Variants in ARHGAP29 observed in about 807,000 individuals in gnomAD.
ARHGAP29 encodes rho GTPase-activating protein 29.
In ARHGAP29, 43 loss-of-function variants were observed where a neutral mutation model predicts 122.6. The ratio of observed to expected loss-of-function variants is 0.35; its 90% CI spans 0.27 to 0.45. ARHGAP29 has a LOEUF of 0.45. Among genes scored for constraint, ARHGAP29 ranks in the 20% least tolerant of loss-of-function variants. ARHGAP29 has a pLI of 1.00. For synonymous variants in ARHGAP29, 506 were observed against 497.1 expected, an observed-to-expected ratio of 1.02 and a Z score of -0.24; for missense variants, 1,303 against 1,477.2, an observed-to-expected ratio of 0.88 and a Z score of 1.93.
At chr1:94,251,679 C>T (rs183785529) in intron 1 of ARHGAP29, among the ~76,000 whole-genome samples, 1 of 152,286 alleles carries the variant, frequency 6.6e-6, no homozygotes, top group African/African-American at 2.4e-5. Flanking sequence ...GTTTCCTCTG[C>T]CTGGAATTGG....
intron 12 of ARHGAP29, among the ~76,000 whole-genome samples, chr1:94,200,542 G>C: frequency 6.6e-6 from 1 of 152,062 alleles, no homozygotes; most frequent in East Asian, 1.9e-4. Context: ...TCCCACTCCT[G>C]GTATTGACTT....
At chr1:94,200,603 C>T (rs1027122615) in intron 12 of ARHGAP29, among the ~76,000 whole-genome samples, 1 of 152,164 alleles carries the variant, frequency 6.6e-6, no homozygotes, top group African/African-American at 2.4e-5. Flanking sequence ...AAATATTCTG[C>T]GGCTCTATTC....
upstream of ARHGAP29, among the ~76,000 whole-genome samples, chr1:94,276,345 G>A (rs566109721): frequency 6.6e-6 from 1 of 152,150 alleles, no homozygotes; most frequent in East Asian, 1.9e-4. Context: ...TTGTTAGACT[G>A]CAGAGATATT....
Position 94,189,205 on chromosome 1 carries a change from T to G in ARHGAP29, c.1576+11A>C. The G allele has an allele frequency of 6.3e-7, 1 of 1,597,910 alleles. No individual in the cohort carries two copies. The highest frequency in any genetic ancestry group is 1.1e-5 in the South Asian group (1 of 87,076). On this transcript the variant is annotated intron_variant, in intron 14 of 22. Transcript: ENST00000260526. ...TTATAAATTAGCACTCTCTTTAGGG[T>G]GGAAAACTACCTGTTATATCTGCAC...
At chr1:94,231,358 A>C in intron 2 of ARHGAP29, 49 bp downstream of exon 2, 1 of 1,516,216 alleles carries the variant, frequency 6.6e-7, no homozygotes, top group Non-Finnish European at 9.1e-7. Flanking sequence ...GCCAGCATTT[A>C]AAATTTTACA....
intron 1 of ARHGAP29, among the ~76,000 whole-genome samples, chr1:94,257,246 G>A (rs1654394405): frequency 6.6e-6 from 1 of 151,770 alleles, no homozygotes; most frequent in Admixed American, 6.6e-5. Flanking sequence ...TACTAAAAAT[G>A]CAAAAATTAG....
chr1:94,294,322 TA>T, the ARHGAP29 span, among the ~76,000 whole-genome samples: 100 of 152,030 alleles, frequency 6.6e-4, no homozygotes, highest in African/African-American at 2.2e-3. Context: ...TATATGTATA[TA>T]TTTTTTTAGA....
intron 7 of ARHGAP29, among the ~76,000 whole-genome samples, chr1:94,204,508 T>C (rs1651073715): frequency 6.6e-6 from 1 of 152,244 alleles, no homozygotes; most frequent in Admixed American, 6.5e-5. Flanking sequence ...GGGTAGATTC[T>C]ATATTCTTCC....
At chr1:94,287,373 T>C in the ARHGAP29 span, among the ~76,000 whole-genome samples, 3 of 152,070 alleles carry the variant, frequency 2.0e-5, no homozygotes, top group Non-Finnish European at 2.9e-5. Context: ...TTCCCTGCTC[T>C]TGCTAGCTCT....
At chr1:94,290,290 T>C in the ARHGAP29 span, among the ~76,000 whole-genome samples, 95 of 152,364 alleles carry the variant, frequency 6.2e-4, no homozygotes, top group Middle Eastern at 0.027. Context: ...TCATTTTTTA[T>C]TGCGTCTATT....
intron 1 of ARHGAP29, among the ~76,000 whole-genome samples, chr1:94,247,137 G>C (rs1260836854): frequency 2.0e-5 from 3 of 152,118 alleles, no homozygotes; most frequent in Non-Finnish European, 4.4e-5. Context: ...TGAAATTTCA[G>C]AAAACGTCAC....
chr1:94,181,120 G>A (rs943064585), intron 19 of ARHGAP29, among the ~76,000 whole-genome samples: 3 of 152,206 alleles, frequency 2.0e-5, no homozygotes, highest in African/African-American at 7.2e-5. Flanking sequence ...TACTTCATAA[G>A]CTGAAGAGTT....
At chr1:94,290,173 G>A in the ARHGAP29 span, among the ~76,000 whole-genome samples, 1 of 152,098 alleles carries the variant, frequency 6.6e-6, no homozygotes, top group Non-Finnish European at 1.5e-5. Context: ...TTCAGAACCT[G>A]TTATTGGTCT....
At chr1:94,296,887 A>G in the ARHGAP29 span, among the ~76,000 whole-genome samples, 1 of 152,234 alleles carries the variant, frequency 6.6e-6, no homozygotes, top group South Asian at 2.1e-4. Context: ...AGGAACCATA[A>G]CTTTGTTATT....
the ARHGAP29 span, among the ~76,000 whole-genome samples, chr1:94,304,355 G>A: frequency 9.8e-5 from 15 of 152,290 alleles, no homozygotes; most frequent in South Asian, 3.1e-3. Context: ...GCCCAGGCTG[G>A]TCTTGAACTC....
intron 16 of ARHGAP29, 121 bp downstream of exon 16, chr1:94,186,378 A>AT (rs1245672490): frequency 5.0e-5 from 31 of 616,364 alleles, no homozygotes; most frequent in East Asian, 6.1e-5. Context: ...GTCATGGTGA[A>AT]TTTTTTTTGT....
chr1:94,272,152 C>A (rs1396255596), intron 1 of ARHGAP29, among the ~76,000 whole-genome samples: 1 of 152,128 alleles, frequency 6.6e-6, no homozygotes, highest in African/African-American at 2.4e-5. Context: ...TAGGGTTAAC[C>A]ACCAGGAGAG....
chr1:94,269,066 G>C (rs1654892615), intron 1 of ARHGAP29, among the ~76,000 whole-genome samples: 2 of 151,886 alleles, frequency 1.3e-5, no homozygotes, highest in African/African-American at 4.8e-5. Flanking sequence ...TCTATTTTGA[G>C]GGAATGTTTA....
chr1:94,204,084 A>C, intron 7 of ARHGAP29, 90 bp from the exon 8 acceptor site: 1 of 953,706 alleles, frequency 1.0e-6, no homozygotes, highest in Non-Finnish European at 1.6e-6. Flanking sequence ...TTCCACAATT[A>C]AGAAGTGATC....
Sources: allele counts gnomAD v4.1 joint callset (sites outside exome capture counted in the v4.1 genomes callset), GRCh38; gene constraint gnomAD v4.1.1; transcripts MANE v1.5; gene names NCBI Gene and HGNC (gene_info 2026-07-23, HGNC 2026-07-21).